SPIDR: variants seen among roughly 807,000 people sequenced by gnomAD.
The protein encoded by SPIDR is DNA repair-scaffolding protein.
SPIDR carries 93 observed loss-of-function variants against 104.6 expected under a neutral mutation model. The observed-to-expected ratio is 0.89, with a 90% CI of 0.75 to 1.06. SPIDR has a LOEUF of 1.06. Ranked by LOEUF, SPIDR falls within the 50% of genes least tolerant of loss-of-function variation. The probability of loss-of-function intolerance (pLI) is 0.00; values close to 1 mark genes in which losing one functional copy is unlikely to be tolerated. For missense variants in SPIDR, 1,154 were observed against 1,111.2 expected (o/e 1.04, Z -0.55); for synonymous variants, 431 against 416.9 (o/e 1.03, Z -0.41).
intron 8 of SPIDR, among the ~76,000 whole-genome samples, chr8:47,544,277 T>C (rs2088831490): frequency 6.6e-6 from 1 of 152,214 alleles, no homozygotes; most frequent in Non-Finnish European, 1.5e-5. Context: ...TTGAGGGTTC[T>C]TAATATATTC....
intron 11 of SPIDR, among the ~76,000 whole-genome samples, chr8:47,682,446 A>G (rs778278110): frequency 6.6e-6 from 1 of 152,132 alleles, no homozygotes; most frequent in Non-Finnish European, 1.5e-5. Context: ...TCTGCAATTT[A>G]ATAGAGGTAG....
At chr8:47,299,037 C>A (rs1346622814) in intron 5 of SPIDR, among the ~76,000 whole-genome samples, 1 of 152,096 alleles carries the variant, frequency 6.6e-6, no homozygotes. Context: ...CTATAAATTA[C>A]CTTGGGCAGT....
intron 16 of SPIDR, among the ~76,000 whole-genome samples, chr8:47,717,931 G>C (rs902733026): frequency 1.3e-5 from 2 of 152,144 alleles, no homozygotes; most frequent in African/African-American, 4.8e-5. Context: ...TCAGACCTCT[G>C]TGGGCTTTGC....
chr8:47,436,619 G>C (rs2068374041), intron 7 of SPIDR, among the ~76,000 whole-genome samples: 1 of 152,176 alleles, frequency 6.6e-6, no homozygotes, highest in Non-Finnish European at 1.5e-5. Context: ...CCAGCTACTT[G>C]AGAGGCTGAG....
chr8:47,591,033 CTG>C (rs965171588), intron 8 of SPIDR, among the ~76,000 whole-genome samples: 1 of 151,866 alleles, frequency 6.6e-6, no homozygotes, highest in Admixed American at 6.6e-5. Flanking sequence ...ACCTATATGT[CTG>C]TATTTGAAGT....
At chr8:47,317,394 G>A (rs1315854433) in intron 5 of SPIDR, among the ~76,000 whole-genome samples, 1 of 152,120 alleles carries the variant, frequency 6.6e-6, no homozygotes, top group Non-Finnish European at 1.5e-5. Context: ...AGGCAGCAGC[G>A]AGGCTGGGGG....
intron 8 of SPIDR, among the ~76,000 whole-genome samples, chr8:47,542,185 T>A (rs948152814): frequency 1.3e-5 from 2 of 151,764 alleles, no homozygotes; most frequent in Admixed American, 1.3e-4. Context: ...TTTTTTTTTT[T>A]AATCTTTGTC....
At chr8:47,457,667 G>T (rs567387263) in intron 8 of SPIDR, among the ~76,000 whole-genome samples, 1 of 152,090 alleles carries the variant, frequency 6.6e-6, no homozygotes, top group Non-Finnish European at 1.5e-5. Flanking sequence ...CTTTGTCTAA[G>T]CCCATGTCTA....
chr8:47,734,994 G>A (rs780764119), intron 19 of SPIDR, among the ~76,000 whole-genome samples: 3 of 152,134 alleles, frequency 2.0e-5, no homozygotes, highest in Non-Finnish European at 4.4e-5. Context: ...GCCCAGCCCC[G>A]GCCTTCCCAG....
intron 8 of SPIDR, among the ~76,000 whole-genome samples, chr8:47,574,742 G>A (rs1413697544): frequency 5.4e-5 from 8 of 148,528 alleles, no homozygotes; most frequent in Non-Finnish European, 9.0e-5. Context: ...AGTAAGACTC[G>A]ATCTTGAGAA....
intron 8 of SPIDR, among the ~76,000 whole-genome samples, chr8:47,556,892 C>T (rs1484422893): frequency 6.6e-6 from 1 of 152,190 alleles, no homozygotes. Context: ...GCATGAACCA[C>T]CGCGCCCAGC....
intron 8 of SPIDR, among the ~76,000 whole-genome samples, chr8:47,545,102 TCTTTCTTTC>T: frequency 7.2e-6 from 1 of 139,722 alleles, no homozygotes; most frequent in Admixed American, 7.8e-5. Flanking sequence ...TTTCTTTCTT[TCTTTCTTTC>T]TTTCTTTCTT....
intron 8 of SPIDR, among the ~76,000 whole-genome samples, chr8:47,481,637 A>G (rs781915807): frequency 9.9e-5 from 15 of 152,188 alleles, no homozygotes; most frequent in Non-Finnish European, 1.5e-4. Flanking sequence ...TTTGTGTTCA[A>G]TGTGTATTTA....
chr8:47,427,168 C>A (rs1016808593), intron 7 of SPIDR, among the ~76,000 whole-genome samples: 2 of 151,524 alleles, frequency 1.3e-5, no homozygotes, highest in Admixed American at 6.6e-5. Flanking sequence ...ACTTCTAATG[C>A]TTTTAGACTT....
At chr8:47,579,746 C>T (rs946788624) in intron 8 of SPIDR, among the ~76,000 whole-genome samples, 4 of 152,184 alleles carry the variant, frequency 2.6e-5, no homozygotes, top group African/African-American at 9.7e-5. Flanking sequence ...AATTTCATGC[C>T]TTCATGTGAG....
At chr8:47,443,179 C>G (rs2069791347) in intron 8 of SPIDR, among the ~76,000 whole-genome samples, 2 of 152,076 alleles carry the variant, frequency 1.3e-5, no homozygotes, top group African/African-American at 2.4e-5. Flanking sequence ...GTTTGTAGGT[C>G]TGGATCTTAC....
chr8:47,610,556 G>A (rs766990563), intron 10 of SPIDR, among the ~76,000 whole-genome samples: 1 of 152,176 alleles, frequency 6.6e-6, no homozygotes, highest in Non-Finnish European at 1.5e-5. Context: ...TCTCCCAGCT[G>A]CTGCTAGACC....
chr8:47,733,107 T>C (rs2085535292), intron 19 of SPIDR, among the ~76,000 whole-genome samples: 1 of 152,240 alleles, frequency 6.6e-6, no homozygotes, highest in Non-Finnish European at 1.5e-5. Flanking sequence ...GATTTATTAC[T>C]TGGACACAGT....
chr8:47,589,022 G>GTT (rs1168001066), intron 8 of SPIDR, among the ~76,000 whole-genome samples: 92 of 89,024 alleles, frequency 1.0e-3, no homozygotes, highest in African/African-American at 2.6e-3. Flanking sequence ...TTTATAGTTT[G>GTT]TTTTTTTTTT....
Sources: gnomAD v4.1 joint callset for allele counts (sites outside exome capture counted in the v4.1 genomes callset) on GRCh38, gnomAD v4.1.1 for gene constraint, MANE v1.5 for transcripts, NCBI Gene and HGNC (gene_info 2026-07-23, HGNC 2026-07-21) for gene names.